Variants in DDX60 observed in about 807,000 individuals in gnomAD.
DDX60 encodes the protein probable ATP-dependent RNA helicase DDX60.
A neutral mutation model predicts 212.8 loss-of-function variants in DDX60; 165 were observed. The ratio of observed to expected loss-of-function variants is 0.78; its 90% confidence interval spans 0.68 to 0.88. The LOEUF (loss-of-function observed/expected upper bound fraction) is 0.88, where lower values mean the gene tolerates loss of function less well. Among genes scored for constraint, DDX60 ranks in the 40% least tolerant of loss-of-function variants. DDX60 has a pLI of 0.00. For missense variants in DDX60, 1,905 were observed against 2,003.9 expected (o/e 0.95, Z 0.94); for synonymous variants, 703 against 685.3 (o/e 1.03, Z -0.40).
chr4:168,283,932 A>T (rs1236982008), intron 12 of DDX60, among the ~76,000 whole-genome samples: 1 of 152,162 alleles, frequency 6.6e-6, no homozygotes, highest in African/African-American at 2.4e-5. Flanking sequence ...GAAGAAGACA[A>T]CCATCTAAGA....
intron 30 of DDX60, among the ~76,000 whole-genome samples, chr4:168,243,563 G>A (rs1341516666): frequency 1.3e-5 from 2 of 152,022 alleles, no homozygotes; most frequent in Non-Finnish European, 2.9e-5. Context: ...ATACCATCTC[G>A]CACTAATCAG....
At chr4:168,255,916 A>T (rs1205207433) in intron 25 of DDX60, 47 bp from the exon 26 acceptor site, 14 of 1,531,724 alleles carry the variant, frequency 9.1e-6, no homozygotes, top group Non-Finnish European at 1.1e-5. Context: ...TCATAAATAC[A>T]ATTCAAAACC....
rs1560828903 is a variant in DDX60, at chr4:168,252,633, G to GC, written c.3580_3581insG (p.Thr1194SerfsTer11). 2.5e-6 allele frequency: 4 copies of GC among 1,609,844 alleles called. No individual in the cohort carries two copies. The highest frequency in any genetic ancestry group is 3.4e-6 in the Non-Finnish European group (4 of 1,178,374). Reference sequence around the variant, plus strand: ...TATTAGGCTTTGATCCACATTTCTGGTTTTTTTCTGGCTCTTTTCATCTCT... The same window carrying GC: ...TATTAGGCTTTGATCCACATTTCTGGCTTTTTTTCTGGCTCTTTTCATCTCT... On this transcript the variant is annotated frameshift_variant, in exon 27 of 38. Coordinates refer to ENST00000393743, the MANE Select transcript of DDX60 (RefSeq NM_017631.6). LOFTEE classifies it high-confidence loss of function.
chr4:168,232,339 T>G (rs1253379703), intron 33 of DDX60, among the ~76,000 whole-genome samples: 2 of 152,054 alleles, frequency 1.3e-5, no homozygotes, highest in Non-Finnish European at 2.9e-5. Flanking sequence ...AACATCATTC[T>G]TCACAGAACT....
Position 168,280,361 on chromosome 4 carries a change from C to T in DDX60, c.1952G>A (p.Trp651Ter), listed in dbSNP as rs774521382. 6 of 1,613,000 alleles carry T rather than the reference C, an allele frequency of 3.7e-6. No homozygotes were observed. The highest frequency in any genetic ancestry group is 5.1e-6 in the Non-Finnish European group (6 of 1,179,646). ...TTCTTCACTTCGGCAATGTTCTTTC[C>T]AGGCTTTCAAGCAAGCAGTTAACCC... ...MVGLTACLKA[W>*]KEHCRSEEGK... is the part of the protein sequence containing the mutation. The change falls in exon 14 of 38, where the codon TGG becomes TAG. Residue 651 changes from tryptophan (W) to a stop codon, truncating the protein, a stop_gained. Coordinates refer to ENST00000393743, the MANE Select transcript of DDX60 (RefSeq NM_017631.6). LOFTEE classifies it high-confidence loss of function.
intron 33 of DDX60, among the ~76,000 whole-genome samples, chr4:168,229,301 G>A (rs983654659): frequency 5.3e-5 from 8 of 152,078 alleles, no homozygotes; most frequent in African/African-American, 1.9e-4. Flanking sequence ...AATTTAGAGA[G>A]CCAAGTGAAA....
At chr4:168,296,426 C>T (rs765884044) in intron 6 of DDX60, among the ~76,000 whole-genome samples, 3 of 151,576 alleles carry the variant, frequency 2.0e-5, no homozygotes, top group Non-Finnish European at 2.9e-5. Flanking sequence ...AATTAAGTGG[C>T]GAAAGAGTAA....
At chr4:168,288,105 T>C (rs1158056805) in intron 9 of DDX60, 69 bp downstream of exon 9, 1 of 1,040,004 alleles carries the variant, frequency 9.6e-7, no homozygotes, top group African/African-American at 1.7e-5. Context: ...AAAATTATTT[T>C]GTAGTTTTAA....
chr4:168,234,054 C>T (rs1018133566), intron 33 of DDX60, among the ~76,000 whole-genome samples: 28 of 152,184 alleles, frequency 1.8e-4, no homozygotes, highest in African/African-American at 6.5e-4. Flanking sequence ...CCATTGTCCA[C>T]TAGCTTCCAT....
chr4:168,296,508 C>T (rs754107850), intron 6 of DDX60, among the ~76,000 whole-genome samples: 9 of 152,076 alleles, frequency 5.9e-5, no homozygotes, highest in Non-Finnish European at 1.3e-4. Flanking sequence ...CCCAAAACCA[C>T]TCACCCACTA....
chr4:168,284,924 A>T lies in DDX60; in HGVS notation c.1457T>A (p.Ile486Asn). ...CTTTTGTTTAACCAGTGAAGTAACA[A>T]TAGGATCATCACTGTGAGACAAAAA... ...DLPFLKSDDP[I>N]VTSLVKQKEF... Residue 486 changes from isoleucine to asparagine, a missense_variant, in exon 12 of 38, where the codon ATT becomes AAT. Coordinates refer to ENST00000393743, the MANE Select transcript of DDX60 (RefSeq NM_017631.6). The T allele has an allele frequency of 6.3e-7, 1 of 1,576,806 alleles. No individual in the cohort carries two copies. The highest frequency in any genetic ancestry group is 2.2e-5 in the East Asian group (1 of 44,470).
chr4:168,245,242 T>C (rs77167316), intron 30 of DDX60, among the ~76,000 whole-genome samples: 2,199 of 152,232 alleles, frequency 0.014, 28 homozygotes, highest in Middle Eastern at 0.031. Flanking sequence ...AAAAGATTCA[T>C]ATAATTGCAT....
intron 27 of DDX60, among the ~76,000 whole-genome samples, chr4:168,252,292 C>T (rs1579001525): frequency 6.6e-6 from 1 of 152,214 alleles, no homozygotes; most frequent in African/African-American, 2.4e-5. Flanking sequence ...TAGGAGACTC[C>T]TCCATGAACC....
intron 35 of DDX60, among the ~76,000 whole-genome samples, chr4:168,223,769 A>G (rs1733148352): frequency 6.6e-6 from 1 of 152,078 alleles, no homozygotes; most frequent in African/African-American, 2.4e-5. Context: ...GTAATAAAAC[A>G]CTTTTTCTCA....
At chr4:168,242,524 T>C (rs573584635) in intron 30 of DDX60, among the ~76,000 whole-genome samples, 7 of 152,342 alleles carry the variant, frequency 4.6e-5, no homozygotes, top group Admixed American at 3.3e-4. Flanking sequence ...GATATCATTT[T>C]TGAGCTTTAA....
At chr4:168,262,164 T>C in intron 23 of DDX60, 36 bp from the exon 24 acceptor site, 1 of 1,559,182 alleles carries the variant, frequency 6.4e-7, no homozygotes, top group Non-Finnish European at 8.6e-7. Context: ...GGCACAATCA[T>C]GCAAGAAAAT....
rs70961508 is a variant in DDX60 at position 168,297,297 on chromosome 4, C to CGAAAGAAAGAAAGAAAGAAA, written c.724-3372_724-3353dup. 6.4e-4 allele frequency among the ~76,000 whole-genome samples: 43 copies of CGAAAGAAAGAAAGAAAGAAA among 67,474 alleles called. 1 individual carries two copies. Among genetic ancestry groups the CGAAAGAAAGAAAGAAAGAAA allele is most frequent in the South Asian group, 1.5e-3 (3 of 2,032 alleles). The allele number at this position is 67,474 out of a possible 152,430, so 44.3% of individuals were successfully genotyped here. On this transcript the variant is annotated intron_variant, in intron 6 of 37. Transcript: ENST00000393743. ...AGAAAGAAAGAAAGAGAGAGAGAGA[C>CGAAAGAAAGAAAGAAAGAAA]GAAAGAAAGAAAGAAAGAAAGAAAG...
chr4:168,310,934 C>T (rs1737101463), intron 3 of DDX60, 64 bp downstream of exon 3: 2 of 972,468 alleles, frequency 2.1e-6, no homozygotes, highest in Admixed American at 4.2e-5. Flanking sequence ...CAGCATAAGG[C>T]CAAATAGACA....
intron 8 of DDX60, 109 bp from the exon 9 acceptor site, chr4:168,288,424 C>T: frequency 8.4e-6 from 6 of 717,838 alleles, no homozygotes; most frequent in Non-Finnish European, 1.1e-5. Context: ...CATTCCAATC[C>T]TTGTTTAGGC....
Sources: gnomAD v4.1 joint callset for allele counts (sites outside exome capture counted in the v4.1 genomes callset) on GRCh38, gnomAD v4.1.1 for gene constraint, MANE v1.5 for transcripts, NCBI Gene and HGNC (gene_info 2026-07-23, HGNC 2026-07-21) for gene names.